Variants in PAXIP1 observed in about 807,000 individuals in gnomAD.
The protein encoded by PAXIP1 is PAX interacting protein 1.
Under a neutral mutation model 140.6 loss-of-function variants are expected in PAXIP1, and 19 were observed. The ratio of observed to expected loss-of-function variants is 0.14; its 90% CI spans 0.09 to 0.20. The LOEUF is 0.20. PAXIP1 is among the 10% of genes least tolerant of loss of function. PAXIP1 has a pLI of 1.00. For synonymous variants in PAXIP1, 442 were observed against 444.6 expected (o/e 0.99, Z 0.07); for missense variants, 920 against 1,208.6 (o/e 0.76, Z 3.54).
At chr7:154,972,761 C>T (rs1430673725) in intron 6 of PAXIP1, among the ~76,000 whole-genome samples, 1 of 152,228 alleles carries the variant, frequency 6.6e-6, no homozygotes, top group African/African-American at 2.4e-5. Flanking sequence ...AGGACAGGTC[C>T]ACTGCGTGGC....
chr7:154,960,154 A>G (rs1279164919), intron 12 of PAXIP1, among the ~76,000 whole-genome samples: 1 of 152,256 alleles, frequency 6.6e-6, no homozygotes, highest in Non-Finnish European at 1.5e-5. Flanking sequence ...TGGATGAAGT[A>G]GCACTAAGAC....
In PAXIP1 at chr7:154,983,207, A is replaced by G; in HGVS notation, c.438+12T>C. On this transcript the variant is annotated intron_variant, in intron 5 of 20. Transcript: ENST00000404141. ...TGACATACAAAAAGAAGGTGGCACA[A>G]GAAACGCTTACCCCCTTTGGCTCTG... 1 of 1,432,384 alleles carries G rather than the reference A, an allele frequency of 7.0e-7. No individual in the cohort carries two copies. Among genetic ancestry groups the G allele is most frequent in the Non-Finnish European group, 9.6e-7 (1 of 1,045,788 alleles). The allele number at this position is 1,432,384 out of a possible 1,614,324, so 88.7% of individuals were successfully genotyped here. A position where few individuals can be genotyped will look rare whatever the true frequency, so the allele number is the denominator to read the frequency against.
In PAXIP1 at chr7:154,998,794, A is replaced by C; in HGVS notation, c.82-10T>G. Reference sequence around the variant, plus strand: ...TGAGAAGCTGAATAACCTAAAAAACAAGAAAATCCACACAAATTAAAATGG... The same window carrying C: ...TGAGAAGCTGAATAACCTAAAAAACCAGAAAATCCACACAAATTAAAATGG... On this transcript the variant is annotated splice_polypyrimidine_tract_variant and intron_variant, in intron 1 of 20. Coordinates refer to ENST00000404141, the MANE Select transcript of PAXIP1 (RefSeq NM_007349.4). 2 of 1,605,344 alleles carry C rather than the reference A, an allele frequency of 1.2e-6. No individual in the cohort carries two copies. Among genetic ancestry groups the C allele is most frequent in the Non-Finnish European group, 1.7e-6 (2 of 1,175,120 alleles).
intron 13 of PAXIP1, among the ~76,000 whole-genome samples, chr7:154,958,694 C>T (rs962283875): frequency 2.0e-5 from 3 of 152,142 alleles, no homozygotes; most frequent in African/African-American, 4.8e-5. Flanking sequence ...TAAACTGGGC[C>T]TCTTTGTCTC....
intron 13 of PAXIP1, among the ~76,000 whole-genome samples, 177 bp from the exon 14 acceptor site, chr7:154,957,471 G>A (rs1051143943): frequency 6.6e-6 from 1 of 152,142 alleles, no homozygotes; most frequent in Non-Finnish European, 1.5e-5. Flanking sequence ...ATGCAAGTGG[G>A]GAGAAGCAGC....
chr7:154,968,461 CTGT>C lies in PAXIP1; in HGVS notation c.1737_1739del (p.Gln581del). ...GCTGCTGAGGCGATGGTGGTGGCTG[CTGT>C]TGCTGCTGCTGCTGCGGGGGCTGCT... On this transcript the variant is annotated inframe_deletion, in exon 7 of 21. Coordinates refer to ENST00000404141, the MANE Select transcript of PAXIP1 (RefSeq NM_007349.4). 1 of 1,420,952 alleles carries C rather than the reference CTGT, an allele frequency of 7.0e-7. No homozygotes were observed. The highest frequency in any genetic ancestry group is 1.2e-5 in the South Asian group (1 of 81,382). 88.0% of individuals were successfully genotyped at this position (1,420,952 alleles called of 1,614,324 possible).
chr7:154,976,782 C>A (rs1402855431), intron 5 of PAXIP1, among the ~76,000 whole-genome samples: 1 of 152,148 alleles, frequency 6.6e-6, no homozygotes, highest in East Asian at 1.9e-4. Context: ...GCATGGCTGA[C>A]TTGGCTGACT....
intron 10 of PAXIP1, among the ~76,000 whole-genome samples, chr7:154,961,925 T>C (rs1239324): frequency 1 from 152,323 of 152,340 alleles, 76,153 homozygotes; most frequent in Middle Eastern, 1. Flanking sequence ...CCAACAGTTA[T>C]GTTATAAAGC....
chr7:154,961,439 T>C (rs1563367427), intron 11 of PAXIP1, 88 bp downstream of exon 11: 2 of 1,081,414 alleles, frequency 1.8e-6, no homozygotes, highest in African/African-American at 1.6e-5. Flanking sequence ...CACAAAACTA[T>C]GACATACTAA....
chr7:154,947,803 C>T, intron 17 of PAXIP1, 100 bp downstream of exon 17: 1 of 855,320 alleles, frequency 1.2e-6, no homozygotes, highest in East Asian at 2.4e-5. Flanking sequence ...AGCCCAGCTC[C>T]CCTGGAGGCG....
At position 154,986,253 on chromosome 7, in the gene PAXIP1, GGC is replaced by G; in HGVS notation, c.325-2923_325-2922del. 8.8e-7 allele frequency: 1 copy of G among 1,138,466 alleles called. No individual in the cohort carries two copies. Among genetic ancestry groups the G allele is most frequent in the Non-Finnish European group, 1.2e-6 (1 of 863,148 alleles). 70.5% of individuals were successfully genotyped at this position (1,138,466 alleles called of 1,614,324 possible). A position where few individuals can be genotyped will look rare whatever the true frequency, so the allele number is the denominator to read the frequency against. On this transcript the variant is annotated intron_variant, in intron 4 of 20. Transcript: ENST00000404141. The surrounding 1 kb of genome is among the most constrained non-coding windows in gnomAD (Gnocchi z 4.8). ...CTTTTGTAAAGCTGGGGTCCTGCCT[GGC>G]GTGTGCATGTGAGTGTGTGTGCGCA...
chr7:154,960,599 C>A (rs1239355417), intron 12 of PAXIP1, among the ~76,000 whole-genome samples: 1 of 152,142 alleles, frequency 6.6e-6, no homozygotes, highest in African/African-American at 2.4e-5. Flanking sequence ...ATCACCCGAG[C>A]CCAGGAGATC....
chr7:154,954,179 G>T lies in PAXIP1; in HGVS notation c.2821+76C>A. ...AGTTTAAAAATTAAATATTTGTTGG[G>T]ATGAAAAGAGATGAATTCAAGAAAA... On this transcript the variant is annotated intron_variant, in intron 16 of 20. Coordinates refer to ENST00000404141, the MANE Select transcript of PAXIP1 (RefSeq NM_007349.4). This position sits in a 1 kb window ranked among gnomAD's most constrained non-coding sequence, Gnocchi z 5.1. 2 of 966,030 alleles carry T rather than the reference G, an allele frequency of 2.1e-6. No individual in the cohort carries two copies. Among genetic ancestry groups the T allele is most frequent in the Middle Eastern group, 2.3e-4 (1 of 4,278 alleles). The allele number at this position is 966,030 out of a possible 1,614,324, so 59.8% of individuals were successfully genotyped here.
intron 16 of PAXIP1, chr7:154,948,644 TCC>T (rs1218627640): frequency 1.3e-5 from 2 of 151,408 alleles, no homozygotes; most frequent in Non-Finnish European, 1.5e-5. Context: ...TAGCTGCTCC[TCC>T]CCTCTTTACC....
rs1809161279 is a variant in PAXIP1, at chr7:154,968,885, G to C, written c.1316C>G (p.Pro439Arg). The change falls in exon 7 of 21, where the codon CCT becomes CGT. Residue 439 changes from proline to arginine, a missense_variant. Coordinates refer to ENST00000404141, the MANE Select transcript of PAXIP1 (RefSeq NM_007349.4). ...QQQQQQISQQPYPQQPPHPFS... is the reference protein window; with the variant it reads ...QQQQQQISQQRYPQQPPHPFS... ...TGGATGCGGCGGCTGCTGGGGGTAA[G>C]GTTGCTGAGAGATCTGCTGCTGCTG... The C allele has an allele frequency of 9.5e-7, 1 of 1,047,170 alleles. No homozygotes were observed. Among genetic ancestry groups the C allele is most frequent in the South Asian group, 1.4e-5 (1 of 73,594 alleles). 64.9% of individuals were successfully genotyped at this position (1,047,170 alleles called of 1,614,324 possible). A position where few individuals can be genotyped will look rare whatever the true frequency, so the allele number is the denominator to read the frequency against.
chr7:154,943,964 AATAAAATTGCACATCTT>A lies in PAXIP1; in HGVS notation c.*168_*184del. 1 of 654,272 alleles carries A rather than the reference AATAAAATTGCACATCTT, an allele frequency of 1.5e-6. No homozygotes were observed. Among genetic ancestry groups the A allele is most frequent in the East Asian group, 2.9e-5 (1 of 34,750 alleles). The allele number at this position is 654,272 out of a possible 1,614,324, so 40.5% of individuals were successfully genotyped here. On this transcript the variant is annotated 3_prime_UTR_variant, in exon 21 of 21. Transcript: ENST00000404141. Reference sequence around the variant, plus strand: ...CAAAACATAATTTATGTTTCCTCAGAATAAAATTGCACATCTTAAAAAGATGCAGTATATTTATTATA... The same window carrying A: ...CAAAACATAATTTATGTTTCCTCAGAAAAAAGATGCAGTATATTTATTATA...
At chr7:154,945,410 G>T in intron 20 of PAXIP1, 1 of 322,346 alleles carries the variant, frequency 3.1e-6, no homozygotes, top group Non-Finnish European at 4.5e-6. Flanking sequence ...GAATGTCAGT[G>T]TATTTAAATG....
Position 154,963,370 on chromosome 7 carries a change from T to TTCA in PAXIP1, c.1989+298_1989+300dup, listed in dbSNP as rs1563368787. On this transcript the variant is annotated intron_variant, in intron 9 of 20. Coordinates refer to ENST00000404141, the MANE Select transcript of PAXIP1 (RefSeq NM_007349.4). This position sits in a 1 kb window ranked among gnomAD's most constrained non-coding sequence, Gnocchi z 4.1. ...TTTGTATTTTTAGTAGAGACAGGATTTCACCAGGTTGGTCAGGCTGGTCTC... is the reference window on the plus strand; with the variant it reads ...TTTGTATTTTTAGTAGAGACAGGATTTCATCACCAGGTTGGTCAGGCTGGTCTC... Among the ~76,000 whole-genome samples the TTCA allele has an allele frequency of 6.6e-6, 1 of 151,988 alleles. No homozygotes were observed. The highest frequency in any genetic ancestry group is 2.4e-5 in the African/African-American group (1 of 41,354).
Position 154,943,849 on chromosome 7 carries a change from G to C in PAXIP1, c.*300C>G. On this transcript the variant is annotated 3_prime_UTR_variant, in exon 21 of 21. Transcript: ENST00000404141. Reference sequence around the variant, plus strand: ...CTTTATTTACACCATTTTATTTCTAGTTGAAGTCCCGTAACAGTTTTGTGA... The same window carrying C: ...CTTTATTTACACCATTTTATTTCTACTTGAAGTCCCGTAACAGTTTTGTGA... 2.9e-6 allele frequency: 1 copy of C among 345,622 alleles called. No homozygotes were observed. The highest frequency in any genetic ancestry group is 5.4e-6 in the Non-Finnish European group (1 of 184,448). The allele number at this position is 345,622 out of a possible 1,614,324, so 21.4% of individuals were successfully genotyped here. A position where few individuals can be genotyped will look rare whatever the true frequency, so the allele number is the denominator to read the frequency against.
Sources: allele counts gnomAD v4.1 joint callset (sites outside exome capture counted in the v4.1 genomes callset), GRCh38; gene constraint gnomAD v4.1.1; non-coding constraint Gnocchi (gnomAD v3.1); transcripts MANE v1.5; gene names NCBI Gene and HGNC (gene_info 2026-07-23, HGNC 2026-07-21).